Variants in SPATA17 observed in about 807,000 individuals in gnomAD.
The protein encoded by SPATA17 is spermatogenesis associated 17.
SPATA17 carries 53 observed loss-of-function variants against 62.2 expected under a neutral mutation model. The observed-to-expected ratio is 0.85, with a 90% CI of 0.68 to 1.07. SPATA17 has a LOEUF of 1.07. Ranked by LOEUF, SPATA17 falls within the 50% of genes least tolerant of loss-of-function variation. The pLI is 0.00. For missense variants in SPATA17, 466 were observed against 425.5 expected (o/e 1.10, Z -0.84); for synonymous variants, 146 against 146.8 (o/e 0.99, Z 0.04).
At chr1:217,829,133 C>T (rs1381868825) in intron 9 of SPATA17, among the ~76,000 whole-genome samples, 3 of 152,072 alleles carry the variant, frequency 2.0e-5, no homozygotes, top group Non-Finnish European at 4.4e-5. Context: ...GTAAAGGTAT[C>T]TGCATTTCTA....
chr1:217,822,196 C>G (rs1261930212), intron 9 of SPATA17, among the ~76,000 whole-genome samples: 1 of 152,000 alleles, frequency 6.6e-6, no homozygotes, highest in African/African-American at 2.4e-5. Flanking sequence ...GCATTTTCAA[C>G]CATTTGTGTG....
intron 9 of SPATA17, among the ~76,000 whole-genome samples, chr1:217,814,260 A>C (rs965869608): frequency 6.6e-6 from 1 of 152,198 alleles, no homozygotes; most frequent in Admixed American, 6.6e-5. Context: ...CCATTTTTAA[A>C]ATCTTTATAT....
chr1:217,727,362 A>G (rs1672292223), intron 5 of SPATA17, among the ~76,000 whole-genome samples: 1 of 151,452 alleles, frequency 6.6e-6, no homozygotes, highest in Non-Finnish European at 1.5e-5. Context: ...TCATTTTTGC[A>G]TTCTCTCATT....
intron 4 of SPATA17, 42 bp from the exon 5 acceptor site, chr1:217,683,216 A>C: frequency 2.9e-6 from 4 of 1,366,014 alleles, no homozygotes; most frequent in Non-Finnish European, 4.1e-6. Flanking sequence ...TTTTAATAAA[A>C]GTGTTTAATG....
At chr1:217,802,203 A>G (rs759294128) in intron 9 of SPATA17, among the ~76,000 whole-genome samples, 6 of 152,082 alleles carry the variant, frequency 3.9e-5, no homozygotes, top group Non-Finnish European at 5.9e-5. Context: ...CTCTCAATCT[A>G]TGTATGTATG....
chr1:217,776,336 A>T (rs1382989940), intron 7 of SPATA17, among the ~76,000 whole-genome samples: 1 of 152,168 alleles, frequency 6.6e-6, no homozygotes, highest in African/African-American at 2.4e-5. Flanking sequence ...GATTTGGCTC[A>T]CACAATTAAA....
chr1:217,675,514 T>C (rs1025640505), intron 4 of SPATA17, among the ~76,000 whole-genome samples: 2 of 152,160 alleles, frequency 1.3e-5, no homozygotes, highest in African/African-American at 2.4e-5. Context: ...AGGTAAATTA[T>C]TGTGGCTGCT....
chr1:217,652,735 A>T (rs1215585872), intron 3 of SPATA17, among the ~76,000 whole-genome samples: 1 of 152,190 alleles, frequency 6.6e-6, no homozygotes, highest in East Asian at 1.9e-4. Flanking sequence ...AGCATTAAAT[A>T]TGCAATATCT....
intron 3 of SPATA17, among the ~76,000 whole-genome samples, chr1:217,657,508 C>T (rs1039319350): frequency 6.6e-6 from 1 of 152,156 alleles, no homozygotes; most frequent in East Asian, 1.9e-4. Flanking sequence ...GGCAGTGGGA[C>T]ATGAGTTGAG....
intron 6 of SPATA17, among the ~76,000 whole-genome samples, chr1:217,755,459 A>G (rs917546134): frequency 9.2e-5 from 14 of 152,056 alleles, no homozygotes; most frequent in African/African-American, 3.4e-4. Flanking sequence ...TGCATATCTC[A>G]GTAGCTAGTA....
intron 9 of SPATA17, among the ~76,000 whole-genome samples, chr1:217,824,145 T>G (rs969079915): frequency 1.3e-5 from 2 of 152,032 alleles, no homozygotes; most frequent in African/African-American, 4.8e-5. Context: ...AAGGACTTAC[T>G]AGTGCTATTT....
Position 217,870,068 on chromosome 1 carries a change from T to C in SPATA17, c.*3049T>C, listed in dbSNP as rs1468702355. 6.6e-6 allele frequency: 1 copy of C among 152,152 alleles called. No homozygotes were observed. Among genetic ancestry groups the C allele is most frequent in the Non-Finnish European group, 1.5e-5 (1 of 68,042 alleles). The allele number at this position is 152,152 out of a possible 1,614,324, so 9.4% of individuals were successfully genotyped here. On this transcript the variant is annotated 3_prime_UTR_variant, in exon 11 of 11. Coordinates refer to ENST00000366933, the MANE Select transcript of SPATA17 (RefSeq NM_138796.4). ...ACTTTTGTAAGTTCTTGGTTGTTTC[T>C]AAACTTATAACAAAATAAATAATTG...
intron 6 of SPATA17, among the ~76,000 whole-genome samples, chr1:217,764,555 G>A (rs2102965488): frequency 6.6e-6 from 1 of 152,256 alleles, no homozygotes; most frequent in Non-Finnish European, 1.5e-5. Flanking sequence ...TTGTGCAGAG[G>A]TGAGTTTTCA....
At chr1:217,837,651 T>A (rs1032023367) in intron 9 of SPATA17, among the ~76,000 whole-genome samples, 4 of 152,108 alleles carry the variant, frequency 2.6e-5, no homozygotes, top group Non-Finnish European at 5.9e-5. Flanking sequence ...CTATACTCAG[T>A]CTCAGTGGTG....
At chr1:217,758,756 G>A (rs1166998205) in intron 6 of SPATA17, among the ~76,000 whole-genome samples, 1 of 152,186 alleles carries the variant, frequency 6.6e-6, no homozygotes, top group Admixed American at 6.5e-5. Flanking sequence ...GATTAGGAAA[G>A]GTTGGAAGAA....
chr1:217,714,329 C>T (rs1571751909), intron 5 of SPATA17, among the ~76,000 whole-genome samples: 1 of 151,652 alleles, frequency 6.6e-6, no homozygotes, highest in African/African-American at 2.4e-5. Flanking sequence ...GCAGAGGTTG[C>T]AGTGAGCCGA....
At chr1:217,657,218 TTTTAGC>T (rs1211330891) in intron 3 of SPATA17, among the ~76,000 whole-genome samples, 1 of 152,074 alleles carries the variant, frequency 6.6e-6, no homozygotes, top group Admixed American at 6.6e-5. Flanking sequence ...ACCCCTAGAG[TTTTAGC>T]CACCTCCCAG....
At chr1:217,825,294 A>C (rs1571829731) in intron 9 of SPATA17, among the ~76,000 whole-genome samples, 2 of 151,984 alleles carry the variant, frequency 1.3e-5, no homozygotes, top group South Asian at 4.1e-4. Flanking sequence ...TATTCATATA[A>C]ATAGAAATAT....
At chr1:217,669,901 C>T (rs910722429) in intron 4 of SPATA17, among the ~76,000 whole-genome samples, 9 of 152,034 alleles carry the variant, frequency 5.9e-5, no homozygotes, top group Non-Finnish European at 1.3e-4. Flanking sequence ...GAGGCTCTTT[C>T]CTTTTCAGGT....
Sources: gnomAD v4.1 joint callset for allele counts (sites outside exome capture counted in the v4.1 genomes callset) on GRCh38, gnomAD v4.1.1 for gene constraint, MANE v1.5 for transcripts, NCBI Gene and HGNC (gene_info 2026-07-23, HGNC 2026-07-21) for gene names.